ADAMTS20: variants seen among roughly 807,000 people sequenced by gnomAD.
ADAMTS20 encodes the protein A disintegrin and metalloproteinase with thrombospondin motifs 20.
ADAMTS20 carries 225 observed loss-of-function variants against 260.1 expected under a neutral mutation model. That is an observed-to-expected ratio of 0.87 (90% CI 0.78 to 0.97). The LOEUF (loss-of-function observed/expected upper bound fraction) is 0.97. Among genes scored for constraint, ADAMTS20 ranks in the 50% least tolerant of loss-of-function variants. The pLI is 0.00. For synonymous variants in ADAMTS20, 802 were observed against 769.5 expected (o/e 1.04, Z -0.70); for missense variants, 2,400 against 2,337.7 (o/e 1.03, Z -0.55).
At position 43,386,418 on chromosome 12, in the gene ADAMTS20, T is replaced by G. The variant is rs761719498; in HGVS notation, c.4453-2441A>C. ...CCATTCTCTCTGGCTGTCCTTAACA[T>G]TTTTTCCTTCATTTCAACCTTGGTG... is the stretch of plus-strand genomic sequence containing the variant. On this transcript the variant is annotated intron_variant, in intron 29 of 38. Transcript: ENST00000389420. Among the ~76,000 whole-genome samples, 18 of 152,230 alleles carry G rather than the reference T, an allele frequency of 1.2e-4. 1 individual carries two copies. Among genetic ancestry groups the G allele is most frequent in the Non-Finnish European group, 1.5e-4 (10 of 68,038 alleles).
intron 7 of ADAMTS20, among the ~76,000 whole-genome samples, chr12:43,477,901 T>A (rs1450832284): frequency 6.6e-6 from 1 of 152,154 alleles, no homozygotes; most frequent in Non-Finnish European, 1.5e-5. Flanking sequence ...CCCTTTGGAC[T>A]CCAACAAGAA....
chr12:43,397,089 T>C (rs1940719997), intron 29 of ADAMTS20, among the ~76,000 whole-genome samples: 1 of 152,138 alleles, frequency 6.6e-6, no homozygotes, highest in Non-Finnish European at 1.5e-5. Context: ...CCAGATCAAG[T>C]AAGGCAAACC....
At chr12:43,537,365 T>C (rs79141672) in intron 2 of ADAMTS20, among the ~76,000 whole-genome samples, 1,806 of 152,188 alleles carry the variant, frequency 0.012, 44 homozygotes, top group African/African-American at 0.038. Context: ...CTTACTTTTA[T>C]TTTTAATGTT....
In ADAMTS20 at chr12:43,384,050, C is replaced by T; in HGVS notation, c.4453-73G>A. ...ATTATATAAAAGTAGCCAATGGAGC[C>T]ATTACATATTATTTATTTTAAATAC... On this transcript the variant is annotated intron_variant, in intron 29 of 38. Coordinates refer to ENST00000389420, the MANE Select transcript of ADAMTS20 (RefSeq NM_025003.5). The T allele has an allele frequency of 1.5e-6, 2 of 1,328,432 alleles. 1 individual carries two copies. Among genetic ancestry groups the T allele is most frequent in the Non-Finnish European group, 2.0e-6 (2 of 997,108 alleles). 82.3% of individuals were successfully genotyped at this position (1,328,432 alleles called of 1,614,324 possible). A position where few individuals can be genotyped will look rare whatever the true frequency, so the allele number is the denominator to read the frequency against.
intron 3 of ADAMTS20, among the ~76,000 whole-genome samples, chr12:43,520,117 AG>A (rs1376062247): frequency 2.0e-5 from 3 of 152,148 alleles, no homozygotes; most frequent in Non-Finnish European, 4.4e-5. Flanking sequence ...GGCACAAAAA[AG>A]GCTTCTTTTG....
chr12:43,363,176 A>C (rs546898136), intron 37 of ADAMTS20, among the ~76,000 whole-genome samples: 6 of 152,154 alleles, frequency 3.9e-5, no homozygotes, highest in Admixed American at 1.3e-4. Context: ...CATTCTAATC[A>C]TGGTGAATGC....
intron 2 of ADAMTS20, among the ~76,000 whole-genome samples, chr12:43,538,087 C>G (rs1943322388): frequency 1.3e-5 from 2 of 152,194 alleles, no homozygotes; most frequent in Non-Finnish European, 2.9e-5. Flanking sequence ...TTCTGAGGAC[C>G]CTCCAAACTC....
At chr12:43,405,229 C>CAAAAAAAAAAAAAA (rs869040570) in intron 28 of ADAMTS20, among the ~76,000 whole-genome samples, 1 of 52,790 alleles carries the variant, frequency 1.9e-5, no homozygotes, top group African/African-American at 8.8e-5. Flanking sequence ...CTCATCTCTA[C>CAAAAAAAAAAAAAA]AAAAAAAAAA....
chr12:43,384,081 G>A, intron 29 of ADAMTS20, 104 bp from the exon 30 acceptor site: 7 of 1,036,882 alleles, frequency 6.8e-6, no homozygotes, highest in South Asian at 4.8e-5. Context: ...AATACAGCCT[G>A]GTATTAAAAC....
At chr12:43,531,165 C>T (rs1408838081) in intron 3 of ADAMTS20, among the ~76,000 whole-genome samples, 3 of 151,880 alleles carry the variant, frequency 2.0e-5, no homozygotes, top group Non-Finnish European at 4.4e-5. Context: ...ACTGTTCCTA[C>T]ATGCACCAAA....
chr12:43,461,074 T>C (rs549685222), intron 11 of ADAMTS20, among the ~76,000 whole-genome samples: 1 of 140,092 alleles, frequency 7.1e-6, no homozygotes, highest in East Asian at 2.2e-4. Flanking sequence ...CACTGCAACC[T>C]CCGCCTCCCA....
intron 3 of ADAMTS20, among the ~76,000 whole-genome samples, chr12:43,523,080 C>T (rs986682038): frequency 6.6e-6 from 1 of 152,202 alleles, no homozygotes; most frequent in South Asian, 2.1e-4. Flanking sequence ...CTCTGGGGAA[C>T]CTCCTGAAGG....
intron 28 of ADAMTS20, among the ~76,000 whole-genome samples, chr12:43,416,655 G>C (rs1196274282): frequency 6.6e-6 from 1 of 151,778 alleles, no homozygotes; most frequent in East Asian, 2.0e-4. Context: ...CGAGTAGCTG[G>C]GACTACAGGC....
intron 29 of ADAMTS20, among the ~76,000 whole-genome samples, chr12:43,394,245 C>T (rs1385568097): frequency 6.6e-6 from 1 of 152,106 alleles, no homozygotes; most frequent in Admixed American, 6.6e-5. Flanking sequence ...AATCAGGGCT[C>T]TTGCTACTGG....
At chr12:43,541,512 C>G (rs1943376304) in intron 2 of ADAMTS20, among the ~76,000 whole-genome samples, 1 of 152,186 alleles carries the variant, frequency 6.6e-6, no homozygotes, top group South Asian at 2.1e-4. Flanking sequence ...CTTTTTACCA[C>G]TGGCAGAGTA....
downstream of ADAMTS20, among the ~76,000 whole-genome samples, chr12:43,353,694 A>T (rs1048364461): frequency 1.6e-4 from 24 of 152,156 alleles, no homozygotes; most frequent in African/African-American, 5.5e-4. Context: ...GTATGAGTAC[A>T]AAGTACAATG....
intron 19 of ADAMTS20, 116 bp downstream of exon 19, chr12:43,434,129 G>T: frequency 8.8e-7 from 1 of 1,134,350 alleles, no homozygotes; most frequent in South Asian, 1.7e-5. Context: ...TTTTTTCATG[G>T]CATGGCAGAT....
At chr12:43,479,908 G>A (rs1374067470) in intron 7 of ADAMTS20, among the ~76,000 whole-genome samples, 2 of 151,976 alleles carry the variant, frequency 1.3e-5, no homozygotes, top group Non-Finnish European at 2.9e-5. Context: ...ATATTTCAGT[G>A]AATTGACCTA....
At chr12:43,449,036 G>A (rs1941813707) in intron 14 of ADAMTS20, among the ~76,000 whole-genome samples, 1 of 152,132 alleles carries the variant, frequency 6.6e-6, no homozygotes, top group Admixed American at 6.5e-5. Flanking sequence ...ACCGTTGGTG[G>A]GAGTGTAAAT....
Sources: allele counts gnomAD v4.1 joint callset (sites outside exome capture counted in the v4.1 genomes callset), GRCh38; gene constraint gnomAD v4.1.1; transcripts MANE v1.5; gene names NCBI Gene and HGNC (gene_info 2026-07-23, HGNC 2026-07-21).